Variants in MTHFSD observed in about 807,000 individuals in gnomAD.
MTHFSD encodes methenyltetrahydrofolate synthase domain-containing protein.
Under a neutral mutation model 31.1 loss-of-function variants are expected in MTHFSD, and 37 were observed. The observed-to-expected ratio is 1.19, with a 90% confidence interval of 0.91 to 1.56. MTHFSD has a LOEUF of 1.56. Among genes scored for constraint, MTHFSD ranks in the 40% most tolerant of loss-of-function variants. The pLI, the probability that MTHFSD is intolerant of heterozygous loss-of-function variation, is 0.00. For missense variants in MTHFSD, 664 were observed against 510.1 expected, an observed-to-expected ratio of 1.30 and a Z score of -2.91; for synonymous variants, 221 against 206.9, an observed-to-expected ratio of 1.07 and a Z score of -0.59.
chr16:86,546,905 T>G (rs941433508), intron 4 of MTHFSD, among the ~76,000 whole-genome samples: 2 of 152,180 alleles, frequency 1.3e-5, no homozygotes, highest in African/African-American at 2.4e-5. Flanking sequence ...GCCAACTTCA[T>G]AACATTTAAC....
chr16:86,541,113 G>A, intron 7 of MTHFSD: 1 of 1,279,190 alleles, frequency 7.8e-7, no homozygotes, highest in Non-Finnish European at 1.0e-6. Context: ...CTGTTTGCCA[G>A]CAGAGACAGC....
chr16:86,554,437 C>T (rs1377401015), intron 2 of MTHFSD, among the ~76,000 whole-genome samples: 3 of 152,154 alleles, frequency 2.0e-5, no homozygotes, highest in Non-Finnish European at 1.5e-5. Flanking sequence ...AACCACCCTG[C>T]ACAGAGACGC....
In MTHFSD at chr16:86,552,081, T is replaced by A; in HGVS notation, c.189A>T (p.Lys63Asn). The A allele has an allele frequency of 6.2e-7, 1 of 1,614,216 alleles. No homozygotes were observed. The highest frequency in any genetic ancestry group is 8.5e-7 in the Non-Finnish European group (1 of 1,180,040). The change falls in exon 3 of 8, where the codon AAA becomes AAT. Residue 63 changes from lysine to asparagine, a missense_variant. Coordinates refer to ENST00000360900, the MANE Select transcript of MTHFSD (RefSeq NM_001159377.2). ...CTTCCAGTGGTTTATCAGGGTCCAC[T>A]TTAACTTCCTGTGTTCTGGCAAAAA... is the stretch of plus-strand genomic sequence containing the variant. ...LDVFARTQEV[K>N]VDPDKPLEGV...
chr16:86,551,528 A>C (rs1457129159), intron 3 of MTHFSD, among the ~76,000 whole-genome samples: 2 of 152,246 alleles, frequency 1.3e-5, no homozygotes, highest in African/African-American at 2.4e-5. Flanking sequence ...TTACAAAAGC[A>C]TGCCTGAATT....
chr16:86,536,582 G>A (rs985871093), intron 7 of MTHFSD, among the ~76,000 whole-genome samples: 1 of 152,220 alleles, frequency 6.6e-6, no homozygotes, highest in East Asian at 1.9e-4. Context: ...CACAGGCAGC[G>A]CTGCGTTCGA....
intron 2 of MTHFSD, 68 bp from the exon 3 acceptor site, chr16:86,552,214 C>A (rs766816291): frequency 6.2e-6 from 10 of 1,613,548 alleles, no homozygotes; most frequent in East Asian, 2.2e-5. Flanking sequence ...TTCTGGGGGG[C>A]ATCAGGATTT....
chr16:86,546,445 A>T, intron 5 of MTHFSD, 114 bp downstream of exon 5: 1 of 884,648 alleles, frequency 1.1e-6, no homozygotes, highest in Non-Finnish European at 1.9e-6. Flanking sequence ...GAGACCAGGT[A>T]AGCGCATCCA....
At chr16:86,548,058 A>T (rs1476831648) in intron 4 of MTHFSD, 32 of 1,290,144 alleles carry the variant, frequency 2.5e-5, no homozygotes, top group Non-Finnish European at 3.2e-5. Context: ...GGCAATTTCC[A>T]ATGGAGCATG....
intron 5 of MTHFSD, among the ~76,000 whole-genome samples, chr16:86,543,576 G>A (rs1019549): frequency 0.021 from 3,181 of 152,240 alleles, 112 homozygotes; most frequent in African/African-American, 0.072. Flanking sequence ...TCCTCAACAC[G>A]GGCCCAGGAG....
chr16:86,533,506 G>GA (rs1194687094), intron 7 of MTHFSD: 3 of 152,252 alleles, frequency 2.0e-5, no homozygotes, highest in Non-Finnish European at 4.4e-5. Flanking sequence ...GCCTCCAACA[G>GA]AAGTGAATAT....
rs980803694 is a variant in MTHFSD, at chr16:86,555,214, G to A, written c.-30C>T. On this transcript the variant is annotated 5_prime_UTR_variant, in exon 1 of 8. Coordinates refer to ENST00000360900, the MANE Select transcript of MTHFSD (RefSeq NM_001159377.2). ...ATGCAGTCGCTGTGCGACGCTTCCCGGCGCAGGTTCTGGCGCGTAGTGACG... is the reference window on the plus strand; with the variant it reads ...ATGCAGTCGCTGTGCGACGCTTCCCAGCGCAGGTTCTGGCGCGTAGTGACG... 3 of 1,536,240 alleles carry A rather than the reference G, an allele frequency of 2.0e-6. No individual in the cohort carries two copies. In the South Asian group the frequency reaches 3.6e-5, roughly 18 times the overall value.
At chr16:86,536,847 G>A (rs1317366046) in intron 7 of MTHFSD, among the ~76,000 whole-genome samples, 3 of 152,184 alleles carry the variant, frequency 2.0e-5, no homozygotes, top group Non-Finnish European at 2.9e-5. Flanking sequence ...TCTCACTTCC[G>A]CACTTGGGGT....
At chr16:86,552,324 G>A in intron 2 of MTHFSD, 178 bp from the exon 3 acceptor site, 2 of 1,519,474 alleles carry the variant, frequency 1.3e-6, no homozygotes, top group Non-Finnish European at 8.9e-7. Flanking sequence ...GTTACTGAAA[G>A]GACAGCACGC....
intron 3 of MTHFSD, among the ~76,000 whole-genome samples, chr16:86,551,724 C>A (rs1402250638): frequency 6.6e-6 from 1 of 152,224 alleles, no homozygotes; most frequent in Non-Finnish European, 1.5e-5. Context: ...CTCCTCAATT[C>A]TGGAACACCA....
At position 86,552,162 on chromosome 16, in the gene MTHFSD, G is replaced by C. The variant is rs779109907; in HGVS notation, c.124-16C>G. 6.2e-7 allele frequency: 1 copy of C among 1,614,172 alleles called. No individual in the cohort carries two copies. Among genetic ancestry groups the C allele is most frequent in the Non-Finnish European group, 8.5e-7 (1 of 1,180,018 alleles). On this transcript the variant is annotated splice_polypyrimidine_tract_variant and intron_variant, in intron 2 of 7. Transcript: ENST00000360900. Reference sequence around the variant, plus strand: ...GATAAGACCCCTAGTTAGGCAAATAGACAGAGTTGCACTTACTTCAAGGAC... The same window carrying C: ...GATAAGACCCCTAGTTAGGCAAATACACAGAGTTGCACTTACTTCAAGGAC...
chr16:86,539,213 TGGAGAGCCGGGGTCA>T (rs1971137755), intron 7 of MTHFSD, among the ~76,000 whole-genome samples: 2 of 152,200 alleles, frequency 1.3e-5, no homozygotes, highest in African/African-American at 4.8e-5. Context: ...GCCAAAGGGC[TGGAGAGCCGGGGTCA>T]GTGCCTTTCT....
chr16:86,545,068 T>C lies in MTHFSD; in HGVS notation c.442+1491A>G, dbSNP rs186212861. On this transcript the variant is annotated intron_variant, in intron 5 of 7. Transcript: ENST00000360900. ...CTGGGGCCTGTCAGGGCAGGGGCAG[T>C]GGGAGGGAGAACATCAGGTAAAATA... is the stretch of plus-strand genomic sequence containing the variant. 1.8e-4 allele frequency among the ~76,000 whole-genome samples: 27 copies of C among 152,084 alleles called. No individual in the cohort carries two copies. The East Asian group carries it at 4.1e-3, about 23-fold the overall frequency.
chr16:86,550,717 C>T (rs1360310278), intron 3 of MTHFSD, among the ~76,000 whole-genome samples: 2 of 152,226 alleles, frequency 1.3e-5, no homozygotes, highest in Non-Finnish European at 2.9e-5. Flanking sequence ...GCTACTGCTG[C>T]TATTACTACT....
In MTHFSD at chr16:86,532,463, C is replaced by T. The variant is rs752698284; in HGVS notation, c.700G>A (p.Glu234Lys). Residue 234 changes from glutamate to lysine, a missense_variant, in exon 8 of 8, where the codon GAG (glutamate) becomes AAG (lysine). Coordinates refer to ENST00000360900, the MANE Select transcript of MTHFSD (RefSeq NM_001159377.2). ...TWFKISLEMM[E>K]KIPILRSLRA... ...AGGCTCCTCAGTATGGGGATTTTCT[C>T]CATCATCTCCAGGCTGATCTGAAAA... 7 of 1,435,494 alleles carry T rather than the reference C, an allele frequency of 4.9e-6. No individual in the cohort carries two copies. The highest frequency in any genetic ancestry group is 6.4e-6 in the Non-Finnish European group (7 of 1,091,930). 88.9% of individuals were successfully genotyped at this position (1,435,494 alleles called of 1,614,324 possible).
Sources: allele counts gnomAD v4.1 joint callset (sites outside exome capture counted in the v4.1 genomes callset), GRCh38; gene constraint gnomAD v4.1.1; transcripts MANE v1.5; gene names NCBI Gene and HGNC (gene_info 2026-07-23, HGNC 2026-07-21).